The following GGA2 variants were observed in gnomAD, a reference collection of about 807,000 sequenced individuals.
GGA2 encodes the protein golgi associated, gamma adaptin ear containing, ARF binding protein 2.
In GGA2, 48 loss-of-function variants were observed where a neutral mutation model predicts 79.5. That is an observed-to-expected ratio of 0.60 (90% CI 0.48 to 0.77). The LOEUF (loss-of-function observed/expected upper bound fraction) is 0.77. Ranked by LOEUF, GGA2 falls within the 30% of genes least tolerant of loss-of-function variation. The pLI is 0.00. For missense variants in GGA2, 770 were observed against 774.0 expected, an observed-to-expected ratio of 0.99 and a Z score of 0.06; for synonymous variants, 317 against 302.0, an observed-to-expected ratio of 1.05 and a Z score of -0.51.
At chr16:23,510,745 C>T (rs954683324), upstream of GGA2, among the ~76,000 whole-genome samples, 88 of 152,380 alleles carry the variant, frequency 5.8e-4, no homozygotes, top group African/African-American at 1.8e-3. Flanking sequence ...CTTGCTCTGT[C>T]ACTCAGGCTG....
At chr16:23,513,777 C>G (rs2142150390), upstream of GGA2, among the ~76,000 whole-genome samples, 1 of 115,144 alleles carries the variant, frequency 8.7e-6, no homozygotes. Flanking sequence ...GAATGAGACT[C>G]TGTCTCAAAA....
chr16:23,503,989 G>C (rs925367733), intron 1 of GGA2, among the ~76,000 whole-genome samples: 1 of 151,906 alleles, frequency 6.6e-6, no homozygotes, highest in Admixed American at 6.6e-5. Flanking sequence ...GCTAAAGCAG[G>C]AGAATTGCTT....
chr16:23,488,754 G>T (rs757297346), intron 5 of GGA2, 45 bp from the exon 6 acceptor site: 4 of 1,056,664 alleles, frequency 3.8e-6, no homozygotes, highest in Non-Finnish European at 5.9e-6. Flanking sequence ...ATGGTACCCA[G>T]AAACTTCAGT....
intron 8 of GGA2, among the ~76,000 whole-genome samples, chr16:23,483,335 T>C (rs548774967): frequency 1.1e-4 from 16 of 152,294 alleles, no homozygotes; most frequent in Admixed American, 3.9e-4. Context: ...GGTGAAACCC[T>C]GTCTCTACTA....
Position 23,510,389 on chromosome 16 carries a change from G to GCCGCCA in GGA2, c.17_22dup (p.Val6_Ala7dup), listed in dbSNP as rs1368575799. The GCCGCCA allele has an allele frequency of 2.9e-6, 4 of 1,397,926 alleles. No homozygotes were observed. In the South Asian group the frequency reaches 6.0e-5, roughly 21 times the overall value. 86.6% of individuals were successfully genotyped at this position (1,397,926 alleles called of 1,614,324 possible). Reference sequence around the variant, plus strand: ...GGCCGACTCGGTTCCCGCCACAGCCGCCGCCACCGCGGTCGCCGCCATCGC... The same window carrying GCCGCCA: ...GGCCGACTCGGTTCCCGCCACAGCCGCCGCCACCGCCACCGCGGTCGCCGCCATCGC... On this transcript the variant is annotated inframe_insertion, in exon 1 of 17. Coordinates refer to ENST00000309859, the MANE Select transcript of GGA2 (RefSeq NM_015044.4).
intron 8 of GGA2, among the ~76,000 whole-genome samples, chr16:23,484,166 G>C (rs1380137445): frequency 6.6e-6 from 1 of 151,350 alleles, no homozygotes; most frequent in Non-Finnish European, 1.5e-5. Context: ...CCAGCACTTT[G>C]GGAGGCTGAG....
intron 16 of GGA2, 39 bp from the exon 17 acceptor site, chr16:23,467,739 A>G (rs1964459852): frequency 2.0e-6 from 2 of 1,007,064 alleles, no homozygotes; most frequent in Non-Finnish European, 3.2e-6. Context: ...ATCAGTGGAG[A>G]GCAACCCAGG....
chr16:23,497,702 GT>G (rs1964874001), intron 1 of GGA2, among the ~76,000 whole-genome samples: 1 of 151,930 alleles, frequency 6.6e-6, no homozygotes, highest in African/African-American at 2.4e-5. Flanking sequence ...TTTATCTCCC[GT>G]CCCCATAAAA....
intron 13 of GGA2, among the ~76,000 whole-genome samples, chr16:23,476,840 C>T (rs1000241034): frequency 2.0e-5 from 3 of 152,192 alleles, no homozygotes; most frequent in Non-Finnish European, 4.4e-5. Context: ...ACGGCAAAAA[C>T]CTCATGTTCT....
At chr16:23,482,886 C>T (rs1354659962) in intron 9 of GGA2, 37 bp downstream of exon 9, 2 of 1,219,434 alleles carry the variant, frequency 1.6e-6, no homozygotes, top group South Asian at 1.2e-5. Flanking sequence ...TGTCTTGCAC[C>T]TGGGCTGCTA....
intron 11 of GGA2, 31 bp from the exon 12 acceptor site, chr16:23,478,942 ACAGT>A (rs1964612445): frequency 6.7e-7 from 1 of 1,490,770 alleles, no homozygotes; most frequent in Admixed American, 1.7e-5. Flanking sequence ...GAGATGCCTA[ACAGT>A]AACTCCACCT....
chr16:23,518,437 G>A (rs918869571), intron 2 of GGA2, among the ~76,000 whole-genome samples: 2 of 151,918 alleles, frequency 1.3e-5, no homozygotes, highest in Admixed American at 6.6e-5. Context: ...GGTCTTAAAC[G>A]CCTGTGCTCA....
chr16:23,507,357 C>A (rs1383238660), intron 1 of GGA2, among the ~76,000 whole-genome samples: 1 of 152,122 alleles, frequency 6.6e-6, no homozygotes, highest in African/African-American at 2.4e-5. Flanking sequence ...CAAATTAGGC[C>A]AGGCTCATGC....
At chr16:23,511,984 CAG>C (rs1444715881), upstream of GGA2, among the ~76,000 whole-genome samples, 1 of 78,070 alleles carries the variant, frequency 1.3e-5, no homozygotes, top group African/African-American at 5.1e-5. Flanking sequence ...ATCAACTTAA[CAG>C]AGTTATGAGA....
intron 1 of GGA2, among the ~76,000 whole-genome samples, chr16:23,509,580 T>G (rs192899602): frequency 1.2e-3 from 189 of 152,138 alleles, no homozygotes; most frequent in African/African-American, 4.4e-3. Flanking sequence ...ATATTCTTTA[T>G]CCCCTTTGAA....
chr16:23,501,024 G>A (rs1382111689), intron 1 of GGA2: 18 of 340,380 alleles, frequency 5.3e-5, no homozygotes, highest in Non-Finnish European at 1.0e-4. Context: ...ATTAGAAAGT[G>A]TGACTTGGGC....
intron 1 of GGA2, among the ~76,000 whole-genome samples, chr16:23,509,347 A>T (rs2142146450): frequency 6.6e-6 from 1 of 152,244 alleles, no homozygotes; most frequent in East Asian, 1.9e-4. Context: ...GCTTTTGCAC[A>T]CGCAGTTTCT....
At position 23,497,271 on chromosome 16, in the gene GGA2, C is replaced by T. The variant is rs892071491; in HGVS notation, c.92-1493G>A. Among the ~76,000 whole-genome samples the T allele has an allele frequency of 2.6e-5, 4 of 152,098 alleles. No homozygotes were observed. In the South Asian group the frequency reaches 6.2e-4, roughly 24 times the overall value. On this transcript the variant is annotated intron_variant, in intron 1 of 16. Coordinates refer to ENST00000309859, the MANE Select transcript of GGA2 (RefSeq NM_015044.4). ...GGGGCAGTACTTCTGACATTATTAT[C>T]CTCCTGGCCCGAGTGTCCACTCTGT... is the stretch of plus-strand genomic sequence containing the variant.
At chr16:23,478,282 G>A (rs1245674558) in intron 13 of GGA2, 86 bp downstream of exon 13, 4 of 956,430 alleles carry the variant, frequency 4.2e-6, no homozygotes, top group African/African-American at 1.7e-5. Context: ...GGCTGTCTTA[G>A]AGCACCATTC....
Sources: gnomAD v4.1 joint callset for allele counts (sites outside exome capture counted in the v4.1 genomes callset) on GRCh38, gnomAD v4.1.1 for gene constraint, MANE v1.5 for transcripts, NCBI Gene and HGNC (gene_info 2026-07-23, HGNC 2026-07-21) for gene names.